The following BTK variants were observed in gnomAD, a reference collection of about 807,000 sequenced individuals.
BTK encodes Bruton tyrosine kinase.
A neutral mutation model predicts 57.4 loss-of-function variants in BTK; 5 were observed. The observed-to-expected ratio is 0.09, with a 90% CI of 0.05 to 0.18. The LOEUF (loss-of-function observed/expected upper bound fraction) is 0.18, where lower values mean the gene tolerates loss of function less well. BTK is among the 10% of genes least tolerant of loss of function. BTK has a pLI of 1.00. For missense variants in BTK, 194 were observed against 501.2 expected (o/e 0.39, Z 5.85); for synonymous variants, 154 against 174.3 (o/e 0.88, Z 0.92).
At chrX:101,358,787 A>C in intron 10 of BTK, 91 bp from the exon 11 acceptor site, 3 of 744,213 alleles carry the variant, frequency 4.0e-6, no homozygotes, top group Non-Finnish European at 6.3e-6. Flanking sequence ...AAATAGAACA[A>C]CCCCTGATTT....
chrX:101,356,766 G>A lies in BTK; in HGVS notation c.1349+18C>T, dbSNP rs1926498981. ...CTCCAGCAAATAGATTGAGAGTTGA[G>A]TTTGGGCTATAACTCACATCATGAC... On this transcript the variant is annotated intron_variant, in intron 14 of 18. Coordinates refer to ENST00000308731, the MANE Select transcript of BTK (RefSeq NM_000061.3). 1 of 1,209,063 alleles carries A rather than the reference G, an allele frequency of 8.3e-7. No individual in the cohort carries two copies. The highest frequency in any genetic ancestry group is 1.7e-5 in the African/African-American group (1 of 57,209).
At chrX:101,385,159 A>G (rs1927572280) in intron 1 of BTK, among the ~76,000 whole-genome samples, 1 of 111,767 alleles carries the variant, frequency 8.9e-6, no homozygotes. Flanking sequence ...GAAAAAGTCA[A>G]TGCAATTCGG....
At chrX:101,360,431 G>C in intron 8 of BTK, 137 bp downstream of exon 8, 1 of 696,084 alleles carries the variant, frequency 1.4e-6, no homozygotes, top group Non-Finnish European at 2.2e-6. Flanking sequence ...GAAGTACTTG[G>C]AGGGAGAGCA....
chrX:101,366,659 A>G (rs1926860269), intron 5 of BTK, among the ~76,000 whole-genome samples: 1 of 111,667 alleles, frequency 9.0e-6, no homozygotes, highest in African/African-American at 3.3e-5. Flanking sequence ...CAATCATGGT[A>G]TTTGTCAGAA....
At chrX:101,372,980 A>C (rs907919722) in intron 3 of BTK, among the ~76,000 whole-genome samples, 1 of 108,252 alleles carries the variant, frequency 9.2e-6, no homozygotes, top group Non-Finnish European at 1.9e-5. Context: ...GCTACTCAGG[A>C]GGCTGGGGCA....
chrX:101,351,002 G>A lies in BTK; in HGVS notation c.1909-1046C>T, dbSNP rs782695988. Among the ~76,000 whole-genome samples, 12 of 111,530 alleles carry A rather than the reference G, an allele frequency of 1.1e-4. No individual in the cohort carries two copies. In the South Asian group the frequency reaches 1.9e-3, roughly 17 times the overall value. ...TTCTGGAGAAAAGTCCCAGTTACCT[G>A]AATTTTTTTTTGTGACACAGTCTCG... On this transcript the variant is annotated intron_variant, in intron 18 of 18. Coordinates refer to ENST00000308731, the MANE Select transcript of BTK (RefSeq NM_000061.3).
At position 101,360,657 on chromosome X, in the gene BTK, A is replaced by G. The variant is rs782591423; in HGVS notation, c.687T>C (p.Asn229=). The change falls in exon 8 of 19, where the codon AAT becomes AAC. Residue 229 remains asparagine (N), a synonymous_variant. Coordinates refer to ENST00000308731, the MANE Select transcript of BTK (RefSeq NM_000061.3). ...CCTTCCGCAGCTGTAGATCATTTGCATTCATTGGCATGTAATCATAAAGGG... is the reference window on the plus strand; with the variant it reads ...CCTTCCGCAGCTGTAGATCATTTGCGTTCATTGGCATGTAATCATAAAGGG... ...VVALYDYMPM[N]ANDLQLRKGD... 6 of 1,211,367 alleles carry G rather than the reference A, an allele frequency of 5.0e-6. No individual in the cohort carries two copies. Among genetic ancestry groups the G allele is most frequent in the Non-Finnish European group, 2.2e-6 (2 of 895,305 alleles).
At chrX:101,352,162 CAAAA>C (rs35710840) in intron 18 of BTK, among the ~76,000 whole-genome samples, 2 of 53,677 alleles carry the variant, frequency 3.7e-5, no homozygotes, top group African/African-American at 6.2e-5. Context: ...GACTCGGTCT[CAAAA>C]AAAAAAAAAA....
chrX:101,385,062 A>G lies in BTK; in HGVS notation c.-31+1000T>C, dbSNP rs782002493. Among the ~76,000 whole-genome samples, 30 of 111,612 alleles carry G rather than the reference A, an allele frequency of 2.7e-4. No homozygotes were observed. The Admixed American group carries it at 2.8e-3, about 10-fold the overall frequency. On this transcript the variant is annotated intron_variant, in intron 1 of 18. Transcript: ENST00000308731. ...ATTTGCACATTTACTGCTCACAACC[A>G]CCTTATGGGGAAGGTGCTAGGCAGG...
chrX:101,358,903 C>A (rs1490905995), intron 10 of BTK, among the ~76,000 whole-genome samples: 1 of 111,382 alleles, frequency 9.0e-6, no homozygotes, highest in African/African-American at 3.3e-5. Flanking sequence ...TTTGGGAGGC[C>A]GAGGTGGGCG....
rs116033971 is a variant in BTK, at chrX:101,349,750, G to A, written c.*135C>T. ...GAATCAAAGAAGAGGTGCATTCCCA[G>A]ATGTAGAGAGGGGCCTTTTTGTATT... On this transcript the variant is annotated 3_prime_UTR_variant, in exon 19 of 19. Coordinates refer to ENST00000308731, the MANE Select transcript of BTK (RefSeq NM_000061.3). 367 of 535,463 alleles carry A rather than the reference G, an allele frequency of 6.9e-4. 3 individuals carry two copies. The African/African-American group carries it at 7.4e-3, about 11-fold the overall frequency. 44.1% of individuals were successfully genotyped at this position (535,463 alleles called of 1,213,427 possible).
At chrX:101,376,236 C>T (rs1927209667) in intron 1 of BTK, among the ~76,000 whole-genome samples, 1 of 112,237 alleles carries the variant, frequency 8.9e-6, no homozygotes, top group African/African-American at 3.2e-5. Flanking sequence ...AGCAACACTT[C>T]ATATCAGTTA....
At chrX:101,390,156 G>C (rs918213574), upstream of BTK, among the ~76,000 whole-genome samples, 12 of 111,819 alleles carry the variant, frequency 1.1e-4, no homozygotes, top group African/African-American at 3.9e-4. Context: ...CTGTCTCCTA[G>C]AATTATTGTG....
chrX:101,388,016 GCCA>G (rs1927675336), upstream of BTK, among the ~76,000 whole-genome samples: 1 of 110,548 alleles, frequency 9.0e-6, no homozygotes, highest in African/African-American at 3.3e-5. Flanking sequence ...ACAGGTGCCT[GCCA>G]CCACGCCTGG....
chrX:101,353,956 A>G lies in BTK; in HGVS notation c.1664T>C (p.Val555Ala), dbSNP rs370902664. The change falls in exon 17 of 19, where the codon GTA (valine) becomes GCA (alanine). Residue 555 changes from valine to alanine, a missense_variant. Val to Ala is a moderately conservative substitution (Grantham distance 64). Around this residue, in one of 3 missense-constraint regions of BTK, gnomAD observed 79 missense variants for 217.7 expected, o/e 0.36. Transcript: ENST00000308731. ...YVLDDEYTSS[V>A]GSKFPVRWSP... Reference sequence around the variant, plus strand: ...CCACCGGACTGGAAATTTGGAGCCTACTGAGCTTGTGTATTCATCATCCAG... The same window carrying G: ...CCACCGGACTGGAAATTTGGAGCCTGCTGAGCTTGTGTATTCATCATCCAG... The G allele has an allele frequency of 1.7e-6, 2 of 1,208,670 alleles. No individual in the cohort carries two copies. Among genetic ancestry groups the G allele is most frequent in the African/African-American group, 3.5e-5 (2 of 57,328 alleles).
chrX:101,355,100 G>A (rs113443601), intron 15 of BTK, among the ~76,000 whole-genome samples: 7,900 of 111,562 alleles, frequency 0.071, 250 homozygotes, highest in South Asian at 0.1. Flanking sequence ...CCAACATGGC[G>A]ATACCCCATC....
At chrX:101,366,220 C>T (rs1314105796) in intron 5 of BTK, among the ~76,000 whole-genome samples, 6 of 111,260 alleles carry the variant, frequency 5.4e-5, no homozygotes, top group Non-Finnish European at 9.4e-5. Context: ...TGCAGTGAGC[C>T]GAGATTGTGC....
intron 7 of BTK, among the ~76,000 whole-genome samples, chrX:101,361,422 G>T (rs1261667153): frequency 1.8e-5 from 2 of 108,859 alleles, no homozygotes; most frequent in East Asian, 5.8e-4. Context: ...TCAGAACCTT[G>T]GTTTCCTTCT....
At chrX:101,386,786 C>T (rs1555982522), upstream of BTK, among the ~76,000 whole-genome samples, 2 of 111,969 alleles carry the variant, frequency 1.8e-5, no homozygotes, top group African/African-American at 6.5e-5. Flanking sequence ...ATACTTGTGC[C>T]CTTCCCCATT....
Sources: allele counts gnomAD v4.1 joint callset (sites outside exome capture counted in the v4.1 genomes callset), GRCh38; gene constraint gnomAD v4.1.1; regional missense constraint gnomAD v4.1.1; transcripts MANE v1.5; gene names NCBI Gene and HGNC (gene_info 2026-07-23, HGNC 2026-07-21).